The following FRAS1 variants were observed in gnomAD, a reference collection of about 807,000 sequenced individuals.
FRAS1 encodes the protein Fraser extracellular matrix complex subunit 1.
In FRAS1, 290 loss-of-function variants were observed where a neutral mutation model predicts 435.2. That is an observed-to-expected ratio of 0.67 (90% CI 0.61 to 0.73). The LOEUF is 0.73. FRAS1 is among the 30% of genes least tolerant of loss of function. The pLI, the probability that FRAS1 is intolerant of heterozygous loss-of-function variation, is 0.00. For synonymous variants in FRAS1, 1,800 were observed against 1,851.0 expected (o/e 0.97, Z 0.71); for missense variants, 4,860 against 5,001.5 (o/e 0.97, Z 0.85).
chr4:78,082,560 T>C (rs984294281), intron 2 of FRAS1, among the ~76,000 whole-genome samples: 10 of 152,100 alleles, frequency 6.6e-5, no homozygotes, highest in African/African-American at 1.9e-4. Context: ...TGGGGCTTTT[T>C]TTTCTTCTGT....
In FRAS1 at chr4:78,128,243, T is replaced by C. The variant is rs535586402; in HGVS notation, c.108+62227T>C. ...TGCATGTGTCTTTATAGCAGCATGA[T>C]TTATAATCCTTTGGGTATATACCCA... On this transcript the variant is annotated intron_variant, in intron 2 of 73. Coordinates refer to ENST00000512123, the MANE Select transcript of FRAS1 (RefSeq NM_025074.7). 5.9e-5 allele frequency among the ~76,000 whole-genome samples: 9 copies of C among 152,264 alleles called. No individual in the cohort carries two copies. In the South Asian group the frequency reaches 1.7e-3, roughly 28 times the overall value.
chr4:78,193,238 G>A (rs1340087327), intron 2 of FRAS1, among the ~76,000 whole-genome samples: 2 of 152,078 alleles, frequency 1.3e-5, no homozygotes, highest in African/African-American at 4.8e-5. Flanking sequence ...GCTGAAAAGT[G>A]TATATTCTGT....
chr4:78,540,690 A>T lies in FRAS1; in HGVS notation c.11605A>T (p.Ile3869Phe), dbSNP rs145035489. 9.9e-6 allele frequency: 16 copies of T among 1,613,648 alleles called. No individual in the cohort carries two copies. The highest frequency in any genetic ancestry group is 1.4e-5 in the Non-Finnish European group (16 of 1,179,788). ...CCAGCTGATCCTTGATGATTCCCTCATCTATGACAATGAAGGAGACCAAGT... is the reference window on the plus strand; with the variant it reads ...CCAGCTGATCCTTGATGATTCCCTCTTCTATGACAATGAAGGAGACCAAGT... ...DGQLILDDSL[I>F]YDNEGDQVKN... Residue 3869 changes from isoleucine (I) to phenylalanine (F), a missense_variant, in exon 74 of 74, where the codon ATC becomes TTC. Transcript: ENST00000512123.
chr4:78,403,443 A>G (rs1280507658), intron 30 of FRAS1, among the ~76,000 whole-genome samples: 1 of 152,152 alleles, frequency 6.6e-6, no homozygotes, highest in African/African-American at 2.4e-5. Flanking sequence ...TTACCTAGAA[A>G]CCATTCAGGA....
chr4:78,130,418 G>A (rs1719627614), intron 2 of FRAS1, among the ~76,000 whole-genome samples: 1 of 152,104 alleles, frequency 6.6e-6, no homozygotes, highest in South Asian at 2.1e-4. Context: ...CACAAAGTCA[G>A]CACCACATAC....
chr4:78,294,459 G>A (rs1728052071), intron 14 of FRAS1, among the ~76,000 whole-genome samples: 1 of 152,106 alleles, frequency 6.6e-6, no homozygotes, highest in South Asian at 2.1e-4. Context: ...GAAAACCCTT[G>A]GATTATACCT....
intron 42 of FRAS1, chr4:78,446,389 A>G: frequency 9.2e-7 from 1 of 1,085,588 alleles, no homozygotes; most frequent in Non-Finnish European, 1.1e-6. Flanking sequence ...TCTGAGTTAT[A>G]TTAGTATGGT....
intron 2 of FRAS1, among the ~76,000 whole-genome samples, chr4:78,132,452 G>A (rs1719727895): frequency 6.6e-6 from 1 of 152,146 alleles, no homozygotes; most frequent in Admixed American, 6.5e-5. Flanking sequence ...CTCATCATAA[G>A]CCCATAGTGA....
intron 34 of FRAS1, 100 bp downstream of exon 34, chr4:78,422,100 T>G (rs1182529455): frequency 1.6e-6 from 2 of 1,221,112 alleles, no homozygotes; most frequent in Non-Finnish European, 2.2e-6. Context: ...GACCATTTGG[T>G]GCCCCTGCTT....
intron 32 of FRAS1, among the ~76,000 whole-genome samples, chr4:78,414,758 T>A (rs530537481): frequency 2.6e-5 from 4 of 152,216 alleles, no homozygotes; most frequent in African/African-American, 4.8e-5. Flanking sequence ...ACTTTTGAGC[T>A]CCTAATGTAT....
chr4:78,436,303 C>A (rs1367726767), intron 38 of FRAS1, among the ~76,000 whole-genome samples: 2 of 152,138 alleles, frequency 1.3e-5, no homozygotes, highest in Non-Finnish European at 2.9e-5. Context: ...CATATTAAAA[C>A]CATATACCAT....
rs1398359145 is a variant in FRAS1, at chr4:78,127,648, CAAACAAACA to C, written c.108+61635_108+61643del. On this transcript the variant is annotated intron_variant, in intron 2 of 73. Transcript: ENST00000512123. ...GTGATACCATTTACAAACAAACAAACAAACAAACAAACAACAACAACAACAACAAAATGG... is the reference window on the plus strand; with the variant it reads ...GTGATACCATTTACAAACAAACAAACAACAACAACAACAACAACAAAATGG... 1.0e-4 allele frequency among the ~76,000 whole-genome samples: 14 copies of C among 136,870 alleles called. No individual in the cohort carries two copies. The East Asian group carries it at 2.0e-3, about 19-fold the overall frequency. The allele number at this position is 136,870 out of a possible 152,430, so 89.8% of individuals were successfully genotyped here.
chr4:78,446,184 AG>A (rs1718823271), intron 42 of FRAS1: 1 of 1,000,018 alleles, frequency 1.0e-6, no homozygotes. Flanking sequence ...GACACAGGGG[AG>A]GGGAAAGATA....
Position 78,445,665 on chromosome 4 carries a change from G to A in FRAS1, c.5809G>A (p.Asp1937Asn). 1.9e-6 allele frequency: 3 copies of A among 1,613,868 alleles called. No individual in the cohort carries two copies. The South Asian group carries it at 3.3e-5, about 18-fold the overall frequency. ...THDIFSFYVS[D>N]GTSRSEIHSI... ...TGATATTTTTAGTTTTTATGTGAGT[G>A]ATGGAACCAGTCGTTCAGAAATTCA... The change falls in exon 42 of 74, where the codon GAT becomes AAT. Residue 1937 changes from aspartate to asparagine, a missense_variant. Transcript: ENST00000512123.
chr4:78,237,662 G>A, intron 3 of FRAS1, 45 bp downstream of exon 3: 1 of 1,087,856 alleles, frequency 9.2e-7, no homozygotes, highest in Non-Finnish European at 1.3e-6. Context: ...TAAAGTCAGT[G>A]AAGGGTCAGG....
chr4:78,295,806 G>T (rs1047944686), intron 14 of FRAS1, among the ~76,000 whole-genome samples: 23 of 150,544 alleles, frequency 1.5e-4, no homozygotes, highest in Admixed American at 2.0e-4. Context: ...GTACAGTGGC[G>T]CAATCTTGGC....
rs1389279255 is a variant in FRAS1 at position 78,267,072 on chromosome 4, T to C, written c.789+137T>C. ...CAAAGTTACATAAAGATATGAAGGC[T>C]CTGCTTCCTAGGAAGAAGGGTTGAG... On this transcript the variant is annotated intron_variant, in intron 8 of 73. Coordinates refer to ENST00000512123, the MANE Select transcript of FRAS1 (RefSeq NM_025074.7). The C allele has an allele frequency of 3.3e-6, 3 of 903,582 alleles. No homozygotes were observed. The Admixed American group carries it at 8.0e-5, about 24-fold the overall frequency. 56.0% of individuals were successfully genotyped at this position (903,582 alleles called of 1,614,324 possible).
intron 2 of FRAS1, among the ~76,000 whole-genome samples, chr4:78,086,707 C>T (rs1433615512): frequency 6.6e-6 from 1 of 151,976 alleles, no homozygotes; most frequent in Non-Finnish European, 1.5e-5. Flanking sequence ...ACACATACAC[C>T]CTCCCAAGAC....
chr4:78,322,235 C>T (rs1439597224), intron 18 of FRAS1, among the ~76,000 whole-genome samples: 1 of 152,150 alleles, frequency 6.6e-6, no homozygotes, highest in Admixed American at 6.5e-5. Context: ...TAATCTGTTC[C>T]GTTTTCAATT....
Sources: gnomAD v4.1 joint callset for allele counts (sites outside exome capture counted in the v4.1 genomes callset) on GRCh38, gnomAD v4.1.1 for gene constraint, MANE v1.5 for transcripts, NCBI Gene and HGNC (gene_info 2026-07-23, HGNC 2026-07-21) for gene names.